The following PRKG2 variants were observed in gnomAD, a reference collection of about 807,000 sequenced individuals.
PRKG2 encodes the protein protein kinase cGMP-dependent 2.
PRKG2 carries 33 observed loss-of-function variants against 97.2 expected under a neutral mutation model. The observed-to-expected ratio is 0.34, with a 90% confidence interval of 0.26 to 0.45. The LOEUF (loss-of-function observed/expected upper bound fraction) is 0.45. Ranked by LOEUF, PRKG2 falls within the 20% of genes least tolerant of loss-of-function variation. The pLI, the probability that PRKG2 is intolerant of heterozygous loss-of-function variation, is 1.00. For synonymous variants in PRKG2, 330 were observed against 321.8 expected (o/e 1.03, Z -0.27); for missense variants, 638 against 900.0 (o/e 0.71, Z 3.73).
At chr4:81,110,420 T>A (rs1743781265) in intron 15 of PRKG2, 28 bp downstream of exon 15, 1 of 1,593,270 alleles carries the variant, frequency 6.3e-7, no homozygotes, top group South Asian at 1.1e-5. Context: ...TCTGAAGAGG[T>A]GGCTGCATAA....
chr4:81,113,015 A>G lies in PRKG2; in HGVS notation c.1777-2404T>C, dbSNP rs1744139954. On this transcript the variant is annotated intron_variant, in intron 14 of 18. Transcript: ENST00000264399. ...TAGAAATCTCAGTGAGGTAAGTAAG[A>G]GAGCTCTGTAAGCATCCGAGCGGCA... Among the ~76,000 whole-genome samples the G allele has an allele frequency of 2.0e-5, 3 of 152,280 alleles. No homozygotes were observed. The South Asian group carries it at 6.2e-4, about 32-fold the overall frequency.
chr4:81,173,057 T>C (rs1246892757), intron 3 of PRKG2, among the ~76,000 whole-genome samples: 2 of 152,150 alleles, frequency 1.3e-5, no homozygotes, highest in Non-Finnish European at 2.9e-5. Flanking sequence ...ATTTCAAGTT[T>C]TTATCTTGAA....
chr4:81,134,617 G>A (rs75140224), intron 14 of PRKG2, among the ~76,000 whole-genome samples: 4,076 of 152,174 alleles, frequency 0.027, 82 homozygotes, highest in Non-Finnish European at 0.04. Flanking sequence ...TTAGGGACCA[G>A]CAGATTACAA....
Position 81,175,745 on chromosome 4 carries a change from G to A in PRKG2, c.462-786C>T, listed in dbSNP as rs999622155. Among the ~76,000 whole-genome samples the A allele has an allele frequency of 2.6e-5, 4 of 152,164 alleles. No homozygotes were observed. The East Asian group carries it at 5.8e-4, about 22-fold the overall frequency. ...TTCTACTTGCTGATAATCCTATAATGCTCTGCTTTATTTTGGAAAAGATGT... is the reference window on the plus strand; with the variant it reads ...TTCTACTTGCTGATAATCCTATAATACTCTGCTTTATTTTGGAAAAGATGT... On this transcript the variant is annotated intron_variant, in intron 2 of 18. Transcript: ENST00000264399.
chr4:81,158,672 G>A (rs1376480111), intron 6 of PRKG2, among the ~76,000 whole-genome samples: 2 of 152,044 alleles, frequency 1.3e-5, no homozygotes, highest in Non-Finnish European at 2.9e-5. Context: ...AAAGCTGGAG[G>A]CATCACACTA....
intron 6 of PRKG2, among the ~76,000 whole-genome samples, chr4:81,158,728 TG>T (rs927541543): frequency 1.2e-4 from 18 of 152,102 alleles, no homozygotes; most frequent in African/African-American, 4.4e-4. Flanking sequence ...CAAAACAGCA[TG>T]GTGCTGGTAC....
At chr4:81,090,648 T>A (rs1053991922) in intron 18 of PRKG2, among the ~76,000 whole-genome samples, 1 of 152,182 alleles carries the variant, frequency 6.6e-6, no homozygotes, top group Admixed American at 6.5e-5. Context: ...CCTAACTGAA[T>A]GATCAGCTGA....
chr4:81,139,892 T>A (rs1388430959), intron 12 of PRKG2, among the ~76,000 whole-genome samples: 1 of 151,546 alleles, frequency 6.6e-6, no homozygotes, highest in Admixed American at 6.6e-5. Flanking sequence ...GAATCCAGAG[T>A]GGGGCCTCCT....
At chr4:81,210,719 T>G (rs1310202639) in intron 1 of PRKG2, among the ~76,000 whole-genome samples, 1 of 152,178 alleles carries the variant, frequency 6.6e-6, no homozygotes, top group African/African-American at 2.4e-5. Context: ...CCAACTGATA[T>G]GAGACATATG....
At chr4:81,216,499 CA>C (rs1421886046), upstream of PRKG2, among the ~76,000 whole-genome samples, 1 of 151,858 alleles carries the variant, frequency 6.6e-6, no homozygotes, top group African/African-American at 2.4e-5. Context: ...GATTTAATGA[CA>C]AAAAGGAGAA....
intron 2 of PRKG2, among the ~76,000 whole-genome samples, chr4:81,180,010 G>A (rs1333132802): frequency 1.3e-5 from 2 of 152,126 alleles, no homozygotes; most frequent in Admixed American, 1.3e-4. Context: ...GCAGCCACCT[G>A]TAATCCCAGC....
intron 1 of PRKG2, among the ~76,000 whole-genome samples, chr4:81,211,660 T>C (rs1047599935): frequency 1.3e-5 from 2 of 152,066 alleles, no homozygotes; most frequent in African/African-American, 2.4e-5. Context: ...CCAATCCAAA[T>C]AGGAGGTGAT....
intron 2 of PRKG2, among the ~76,000 whole-genome samples, chr4:81,179,041 C>T (rs957722564): frequency 6.6e-6 from 1 of 151,852 alleles, no homozygotes; most frequent in African/African-American, 2.4e-5. Flanking sequence ...AGGAGAATTG[C>T]TTGAACCCGG....
intron 1 of PRKG2, among the ~76,000 whole-genome samples, chr4:81,211,133 T>C (rs1331453536): frequency 6.6e-6 from 1 of 152,144 alleles, no homozygotes; most frequent in Non-Finnish European, 1.5e-5. Context: ...TTTCATTATA[T>C]ATTTGTCAAA....
intron 17 of PRKG2, among the ~76,000 whole-genome samples, chr4:81,101,238 A>G (rs1281792669): frequency 6.6e-6 from 1 of 152,114 alleles, no homozygotes; most frequent in East Asian, 1.9e-4. Flanking sequence ...AGGATTATAA[A>G]TCATGCTGCT....
At chr4:81,177,240 C>A (rs975784515) in intron 2 of PRKG2, among the ~76,000 whole-genome samples, 1 of 152,126 alleles carries the variant, frequency 6.6e-6, no homozygotes, top group Non-Finnish European at 1.5e-5. Context: ...TGTCATTAAG[C>A]ACTTACTTAG....
At chr4:81,118,163 G>T (rs2109996518) in intron 14 of PRKG2, among the ~76,000 whole-genome samples, 1 of 152,258 alleles carries the variant, frequency 6.6e-6, no homozygotes, top group African/African-American at 2.4e-5. Context: ...TCTTTTCGCG[G>T]CTTGATAACT....
intron 17 of PRKG2, among the ~76,000 whole-genome samples, chr4:81,103,216 G>T (rs1838175): frequency 0.064 from 9,708 of 152,170 alleles, 834 homozygotes; most frequent in East Asian, 0.33. Flanking sequence ...ACGTGCAGGT[G>T]TGTTACGTAT....
At chr4:81,187,306 C>T (rs1751969642) in intron 2 of PRKG2, among the ~76,000 whole-genome samples, 1 of 152,178 alleles carries the variant, frequency 6.6e-6, no homozygotes, top group African/African-American at 2.4e-5. Flanking sequence ...CCTTGGGATG[C>T]AAGGCTGGTT....
Sources: gnomAD v4.1 joint callset for allele counts (sites outside exome capture counted in the v4.1 genomes callset) on GRCh38, gnomAD v4.1.1 for gene constraint, MANE v1.5 for transcripts, NCBI Gene and HGNC (gene_info 2026-07-23, HGNC 2026-07-21) for gene names.